MACROD2: variants seen among roughly 807,000 people sequenced by gnomAD.
MACROD2 encodes mono-ADP ribosylhydrolase 2.
MACROD2 carries 36 observed loss-of-function variants against 70.4 expected under a neutral mutation model. The observed-to-expected ratio is 0.51, with a 90% CI of 0.39 to 0.68. The LOEUF (loss-of-function observed/expected upper bound fraction) is 0.68, where lower values mean the gene tolerates loss of function less well. Ranked by LOEUF, MACROD2 falls within the 30% of genes least tolerant of loss-of-function variation. The probability of loss-of-function intolerance (pLI) is 0.00; values close to 1 mark genes in which losing one functional copy is unlikely to be tolerated. For missense variants in MACROD2, 496 were observed against 538.4 expected (o/e 0.92, Z 0.78); for synonymous variants, 172 against 178.8 (o/e 0.96, Z 0.30).
chr20:15,397,933 T>C (rs2045880838), intron 6 of MACROD2, among the ~76,000 whole-genome samples: 1 of 152,224 alleles, frequency 6.6e-6, no homozygotes, highest in Non-Finnish European at 1.5e-5. Flanking sequence ...GTGGGCCAAT[T>C]TAGTAAACTT....
At chr20:15,488,698 T>A (rs937985855) in intron 7 of MACROD2, among the ~76,000 whole-genome samples, 3 of 152,324 alleles carry the variant, frequency 2.0e-5, no homozygotes, top group Non-Finnish European at 4.4e-5. Context: ...GAAACTGCAT[T>A]TTCATCTCTC....
intron 5 of MACROD2, among the ~76,000 whole-genome samples, chr20:14,741,090 C>T (rs1008645445): frequency 4.6e-5 from 7 of 152,116 alleles, no homozygotes; most frequent in Non-Finnish European, 7.4e-5. Flanking sequence ...GGACAGTGTT[C>T]ATTTCGGTCA....
intron 6 of MACROD2, among the ~76,000 whole-genome samples, chr20:15,313,307 C>G (rs930342934): frequency 6.6e-6 from 1 of 151,868 alleles, no homozygotes; most frequent in African/African-American, 2.4e-5. Flanking sequence ...GAGATCGAGA[C>G]CATCCTGGCT....
At chr20:14,432,041 A>C (rs1282183626) in intron 3 of MACROD2, among the ~76,000 whole-genome samples, 1 of 152,174 alleles carries the variant, frequency 6.6e-6, no homozygotes, top group African/African-American at 2.4e-5. Context: ...TCTTTTTAAA[A>C]AATTCAGATT....
chr20:15,433,459 CAA>C lies in MACROD2; in HGVS notation c.571+2043_571+2044del, dbSNP rs60298297. Among the ~76,000 whole-genome samples, 179 of 88,238 alleles carry C rather than the reference CAA, an allele frequency of 2.0e-3. 2 individuals are homozygous for C. The highest frequency in any genetic ancestry group is 8.8e-3 in the African/African-American group (169 of 19,280). The allele number at this position is 88,238 out of a possible 152,430, so 57.9% of individuals were successfully genotyped here. A position where few individuals can be genotyped will look rare whatever the true frequency, so the allele number is the denominator to read the frequency against. ...AACTCAATCCCTTTCACAAGAGCTG[CAA>C]AAAAAAAAAAAAAAAAAAGATAAAA... On this transcript the variant is annotated intron_variant, in intron 7 of 17. Coordinates refer to ENST00000684519, the MANE Select transcript of MACROD2 (RefSeq NM_001351661.2).
At chr20:15,136,802 C>G (rs1230407472) in intron 5 of MACROD2, among the ~76,000 whole-genome samples, 1 of 151,982 alleles carries the variant, frequency 6.6e-6, no homozygotes, top group Non-Finnish European at 1.5e-5. Flanking sequence ...AAAATTTTCG[C>G]AACCTACTCA....
intron 8 of MACROD2, among the ~76,000 whole-genome samples, chr20:15,629,465 G>C (rs541674174): frequency 1.3e-5 from 2 of 152,148 alleles, no homozygotes; most frequent in African/African-American, 4.8e-5. Flanking sequence ...ATAGAAATAC[G>C]TGGGATATTT....
intron 4 of MACROD2, among the ~76,000 whole-genome samples, chr20:14,517,851 CTGGGCTCTTTTTTTTTAACCAATATTT>C (rs1359040802): frequency 6.6e-6 from 1 of 151,848 alleles, no homozygotes; most frequent in Admixed American, 6.6e-5. Context: ...TATATATTTT[CTGGGCTCTTTTTTTTTAACCAATATTT>C]TGTCTATTCC....
chr20:15,776,673 GACA>G (rs1407892335), intron 8 of MACROD2, among the ~76,000 whole-genome samples: 9 of 152,120 alleles, frequency 5.9e-5, no homozygotes, highest in Non-Finnish European at 1.2e-4. Context: ...TAAACTACAT[GACA>G]ACGAGAACAT....
intron 3 of MACROD2, among the ~76,000 whole-genome samples, chr20:14,280,495 A>G (rs887384949): frequency 2.6e-5 from 4 of 152,156 alleles, no homozygotes; most frequent in African/African-American, 9.6e-5. Flanking sequence ...GCCACCTAGA[A>G]GAACTTTGTT....
intron 4 of MACROD2, among the ~76,000 whole-genome samples, chr20:14,499,155 G>A (rs1302664154): frequency 6.6e-6 from 1 of 152,186 alleles, no homozygotes; most frequent in East Asian, 1.9e-4. Context: ...AGAAACTCAG[G>A]GGCTCTGGCC....
intron 5 of MACROD2, among the ~76,000 whole-genome samples, chr20:14,816,110 T>C (rs2072771093): frequency 6.6e-6 from 1 of 152,024 alleles, no homozygotes; most frequent in African/African-American, 2.4e-5. Context: ...GAATGAGCAA[T>C]ACGCCCTCAG....
rs890722541 is a variant in MACROD2, at chr20:15,286,962, G to GA, written c.540+56910dup. Among the ~76,000 whole-genome samples the GA allele has an allele frequency of 2.3e-4, 35 of 150,552 alleles. No individual in the cohort carries two copies. In the East Asian group the frequency reaches 4.3e-3, roughly 18 times the overall value. On this transcript the variant is annotated intron_variant, in intron 6 of 17. Coordinates refer to ENST00000684519, the MANE Select transcript of MACROD2 (RefSeq NM_001351661.2). Reference sequence around the variant, plus strand: ...TCTCCCTAAAATCACTTTTTATTTAGAAAAAAAAAGAGACGCTACACTGCA... The same window carrying GA: ...TCTCCCTAAAATCACTTTTTATTTAGAAAAAAAAAAGAGACGCTACACTGCA...
intron 4 of MACROD2, among the ~76,000 whole-genome samples, chr20:14,635,096 A>G (rs1269703945): frequency 6.6e-6 from 1 of 152,224 alleles, no homozygotes; most frequent in Non-Finnish European, 1.5e-5. Flanking sequence ...CGGTGTCCCT[A>G]TAGTTGTCAG....
In MACROD2 at chr20:15,510,278, C is replaced by T. The variant is rs150784356; in HGVS notation, c.645+10431C>T. 1.2e-4 allele frequency among the ~76,000 whole-genome samples: 18 copies of T among 152,234 alleles called. No individual in the cohort carries two copies. The East Asian group carries it at 3.5e-3, about 29-fold the overall frequency. Reference sequence around the variant, plus strand: ...AGGGATAAAAACAACACTGGGAGGTCCTACTGAAGGACATTCTAACAACCA... The same window carrying T: ...AGGGATAAAAACAACACTGGGAGGTTCTACTGAAGGACATTCTAACAACCA... On this transcript the variant is annotated intron_variant, in intron 8 of 17. Transcript: ENST00000684519.
intron 3 of MACROD2, among the ~76,000 whole-genome samples, chr20:14,284,028 G>A (rs2082325942): frequency 1.3e-5 from 2 of 152,152 alleles, no homozygotes; most frequent in Admixed American, 1.3e-4. Flanking sequence ...CATTCTTTCA[G>A]CTGCCCTTAG....
chr20:14,610,677 A>G (rs1983101091), intron 4 of MACROD2, among the ~76,000 whole-genome samples: 1 of 152,098 alleles, frequency 6.6e-6, no homozygotes, highest in Non-Finnish European at 1.5e-5. Context: ...GAAATACAGT[A>G]TGACAGATTT....
At chr20:15,979,508 G>A (rs548616406) in intron 13 of MACROD2, among the ~76,000 whole-genome samples, 1 of 152,148 alleles carries the variant, frequency 6.6e-6, no homozygotes, top group Non-Finnish European at 1.5e-5. Context: ...ACGAAGTAGA[G>A]ACAAGTTGAA....
At chr20:14,404,788 GA>G (rs1471009367) in intron 3 of MACROD2, among the ~76,000 whole-genome samples, 2 of 151,852 alleles carry the variant, frequency 1.3e-5, no homozygotes, top group Non-Finnish European at 2.9e-5. Context: ...ATTATTTTAG[GA>G]AGAAAAAGCA....
Sources: gnomAD v4.1 joint callset for allele counts (sites outside exome capture counted in the v4.1 genomes callset) on GRCh38, gnomAD v4.1.1 for gene constraint, MANE v1.5 for transcripts, NCBI Gene and HGNC (gene_info 2026-07-23, HGNC 2026-07-21) for gene names.